XPO5: variants seen among roughly 807,000 people sequenced by gnomAD.
XPO5 encodes the protein exportin 5.
Under a neutral mutation model 160.6 loss-of-function variants are expected in XPO5, and 46 were observed. The ratio of observed to expected loss-of-function variants is 0.29; its 90% CI spans 0.23 to 0.37. The LOEUF is 0.37. Among genes scored for constraint, XPO5 ranks in the 10% least tolerant of loss-of-function variants. The probability of loss-of-function intolerance (pLI) is 1.00; values close to 1 mark genes in which losing one functional copy is unlikely to be tolerated. For synonymous variants in XPO5, 537 were observed against 519.3 expected, an observed-to-expected ratio of 1.03 and a Z score of -0.46; for missense variants, 1,090 against 1,463.9, an observed-to-expected ratio of 0.74 and a Z score of 4.17.
intron 24 of XPO5, 138 bp from the exon 25 acceptor site, chr6:43,528,343 C>T (rs1235980117): frequency 8.9e-6 from 7 of 790,144 alleles, no homozygotes; most frequent in Non-Finnish European, 1.4e-5. Flanking sequence ...GTAGACTCCA[C>T]ACCACAAGGT....
chr6:43,547,653 G>A lies in XPO5; in HGVS notation c.2115C>T (p.Ser705=), dbSNP rs1356388385. The A allele has an allele frequency of 6.2e-7, 1 of 1,614,018 alleles. No homozygotes were observed. The highest frequency in any genetic ancestry group is 1.6e-4 in the Middle Eastern group (1 of 6,062). The change falls in exon 19 of 32, where the codon AGC becomes AGT. Residue 705 remains serine (S), a synonymous_variant. Coordinates refer to ENST00000265351, the MANE Select transcript of XPO5 (RefSeq NM_020750.3). ...FIAYVGTDQK[S]CDPGLEDPCG... is the part of the protein sequence containing the mutation. Reference sequence around the variant, plus strand: ...ACGGATCCTCCAGGCCTGGGTCACAGCTCTTCTGATCTGTACCCACATACG... The same window carrying A: ...ACGGATCCTCCAGGCCTGGGTCACAACTCTTCTGATCTGTACCCACATACG...
At chr6:43,564,062 C>T (rs1582241375) in intron 8 of XPO5, among the ~76,000 whole-genome samples, 1 of 152,230 alleles carries the variant, frequency 6.6e-6, no homozygotes, top group East Asian at 1.9e-4. Flanking sequence ...GCTAAGAATA[C>T]ACACATGCAC....
At chr6:43,529,167 G>T in intron 23 of XPO5, 1 of 1,471,178 alleles carries the variant, frequency 6.8e-7, no homozygotes. Flanking sequence ...ATGGTCACTG[G>T]CCCAAAAAGT....
intron 21 of XPO5, chr6:43,533,601 C>T (rs1794136297): frequency 4.8e-6 from 1 of 207,608 alleles, no homozygotes; most frequent in South Asian, 7.8e-5. Context: ...GCTTTAAAGG[C>T]CATGGTGGGA....
chr6:43,572,993 G>C (rs1763087712), intron 2 of XPO5, among the ~76,000 whole-genome samples: 1 of 152,156 alleles, frequency 6.6e-6, no homozygotes, highest in Admixed American at 6.5e-5. Context: ...AGTCTTAAAG[G>C]CTACCTCTTC....
Position 43,526,685 on chromosome 6 carries a change from C to A in XPO5, c.2983G>T (p.Asp995Tyr). 1 of 1,613,846 alleles carries A rather than the reference C, an allele frequency of 6.2e-7. No homozygotes were observed. The highest frequency in any genetic ancestry group is 8.5e-7 in the Non-Finnish European group (1 of 1,179,836). The change falls in exon 27 of 32, where the codon GAT becomes TAT. Residue 995 changes from aspartate (D) to tyrosine (Y), a missense_variant and splice_region_variant. By Grantham distance (160) the Asp-to-Tyr change is radical (BLOSUM62 -3). Around this residue, in one of 3 missense-constraint regions of XPO5, gnomAD observed 810 missense variants for 1,139.0 expected, o/e 0.71. Coordinates refer to ENST00000265351, the MANE Select transcript of XPO5 (RefSeq NM_020750.3). ...TCCAAGGTCTCACAGGCTCACTTAC[C>A]GTCTCCATCTGCTGGGGGAGCACTA... ...HSSAPPADGDDEEMMATEVTP... is the reference protein window; with the variant it reads ...HSSAPPADGDYEEMMATEVTP...
rs2127698311 is a variant in XPO5, at chr6:43,525,157, G to A, written c.3124C>T (p.Leu1042=). The A allele has an allele frequency of 6.3e-7, 1 of 1,585,052 alleles. No individual in the cohort carries two copies. Among genetic ancestry groups the A allele is most frequent in the East Asian group, 2.3e-5 (1 of 43,710 alleles). The change falls in exon 29 of 32, where the codon CTG becomes TTG. Residue 1042 remains leucine, a synonymous_variant. Coordinates refer to ENST00000265351, the MANE Select transcript of XPO5 (RefSeq NM_020750.3). ...AFNSLAWKDT[L]SCQRTTSQLC... is the part of the protein sequence containing the mutation. Reference sequence around the variant, plus strand: ...TGTGAGGTTGTCCTCTGGCAGGACAGAGTATCTTTCCAGGCCAGGGAATTG... The same window carrying A: ...TGTGAGGTTGTCCTCTGGCAGGACAAAGTATCTTTCCAGGCCAGGGAATTG...
intron 5 of XPO5, among the ~76,000 whole-genome samples, chr6:43,570,139 C>A (rs1043778213): frequency 1.3e-5 from 2 of 149,516 alleles, no homozygotes; most frequent in African/African-American, 4.9e-5. Flanking sequence ...AGTGAAACCC[C>A]GTCTCTACTA....
At chr6:43,570,296 A>G in intron 5 of XPO5, among the ~76,000 whole-genome samples, 1 of 127,340 alleles carries the variant, frequency 7.9e-6, no homozygotes, top group Non-Finnish European at 1.6e-5. Flanking sequence ...TAGGTGACAG[A>G]GCGAGCCTCC....
In XPO5 at chr6:43,551,120, G is replaced by C. The variant is rs55776932; in HGVS notation, c.1728+178C>G. The C allele has an allele frequency of 0.062, 31,566 of 509,722 alleles. 1,291 individuals are homozygous for C. The highest frequency in any genetic ancestry group is 0.11 in the Middle Eastern group (191 of 1,814). 31.6% of individuals were successfully genotyped at this position (509,722 alleles called of 1,614,324 possible). On this transcript the variant is annotated intron_variant, in intron 15 of 31. Transcript: ENST00000265351. The stretch of plus-strand genomic sequence containing the variant: ...AAATAATTAGCCTAGGCCAGGCATG[G>C]TTGTGCATGCTTGTAGTCTCAGCTA...
At chr6:43,564,446 T>C (rs921248761) in intron 8 of XPO5, among the ~76,000 whole-genome samples, 1 of 151,992 alleles carries the variant, frequency 6.6e-6, no homozygotes, top group African/African-American at 2.4e-5. Flanking sequence ...GGAGAATCGC[T>C]TGAACCCGGG....
chr6:43,523,488 T>C lies in XPO5; in HGVS notation c.*380A>G. 2.6e-6 allele frequency: 1 copy of C among 379,722 alleles called. No homozygotes were observed. The highest frequency in any genetic ancestry group is 2.1e-5 in the South Asian group (1 of 48,150). 23.5% of individuals were successfully genotyped at this position (379,722 alleles called of 1,614,324 possible). ...GAGGGCTGTGCTCTTGCTGCGAGCC[T>C]TGCTAGTCGCAGGGTTGGGCACAGC... On this transcript the variant is annotated 3_prime_UTR_variant, in exon 32 of 32. Coordinates refer to ENST00000265351, the MANE Select transcript of XPO5 (RefSeq NM_020750.3).
chr6:43,565,383 A>G (rs1762644062), intron 8 of XPO5, among the ~76,000 whole-genome samples: 1 of 151,866 alleles, frequency 6.6e-6, no homozygotes, highest in Non-Finnish European at 1.5e-5. Context: ...AGCGGTCAGC[A>G]CGGCAAAACC....
In XPO5 at chr6:43,526,685, C is replaced by T. The variant is rs749265659; in HGVS notation, c.2983G>A (p.Asp995Asn). The T allele has an allele frequency of 7.4e-6, 12 of 1,613,730 alleles. No individual in the cohort carries two copies. Among genetic ancestry groups the T allele is most frequent in the Admixed American group, 3.3e-5 (2 of 59,988 alleles). ...TCCAAGGTCTCACAGGCTCACTTAC[C>T]GTCTCCATCTGCTGGGGGAGCACTA... ...HSSAPPADGD[D>N]EEMMATEVTP... The change falls in exon 27 of 32, where the codon GAT becomes AAT. Residue 995 changes from aspartate to asparagine, a missense_variant and splice_region_variant. By Grantham distance (23) the Asp-to-Asn change is conservative. Around this residue, in one of 3 missense-constraint regions of XPO5, gnomAD observed 810 missense variants for 1,139.0 expected, o/e 0.71. Transcript: ENST00000265351.
chr6:43,532,175 A>C (rs1794031326), intron 21 of XPO5, among the ~76,000 whole-genome samples: 1 of 152,290 alleles, frequency 6.6e-6, no homozygotes, highest in African/African-American at 2.4e-5. Context: ...TACTTTTTAT[A>C]TTAATAGCTA....
At chr6:43,531,666 G>A in intron 21 of XPO5, 91 bp from the exon 22 acceptor site, 1 of 1,063,860 alleles carries the variant, frequency 9.4e-7, no homozygotes, top group South Asian at 1.3e-5. Context: ...TTGTTCAGGG[G>A]TGAAGATGTG....
intron 18 of XPO5, 30 bp downstream of exon 18, chr6:43,548,231 G>GT (rs1561875717): frequency 6.4e-7 from 1 of 1,551,594 alleles, no homozygotes; most frequent in South Asian, 1.2e-5. Context: ...CTTGAGTATA[G>GT]TAAGAGTCAG....
Position 43,568,627 on chromosome 6 carries a change from C to A in XPO5, c.648+84G>T, listed in dbSNP as rs185844567. ...CCAAAACAATACAACACAAGCAAGG[C>A]TGAGGTCACCATCCACTAGGGGCAC... is the stretch of plus-strand genomic sequence containing the variant. On this transcript the variant is annotated intron_variant, in intron 6 of 31. Coordinates refer to ENST00000265351, the MANE Select transcript of XPO5 (RefSeq NM_020750.3). 68 of 1,227,610 alleles carry A rather than the reference C, an allele frequency of 5.5e-5. No individual in the cohort carries two copies. In the East Asian group the frequency reaches 1.7e-3, roughly 30 times the overall value. The allele number at this position is 1,227,610 out of a possible 1,614,324, so 76.0% of individuals were successfully genotyped here.
At chr6:43,558,681 A>T in intron 11 of XPO5, 90 bp from the exon 12 acceptor site, 1 of 971,106 alleles carries the variant, frequency 1.0e-6, no homozygotes, top group Non-Finnish European at 1.5e-6. Flanking sequence ...CTTTTAATTT[A>T]TTTAAGAGTT....
Sources: gnomAD v4.1 joint callset for allele counts (sites outside exome capture counted in the v4.1 genomes callset) on GRCh38, gnomAD v4.1.1 for gene constraint, gnomAD v4.1.1 regional missense constraint, MANE v1.5 for transcripts, NCBI Gene and HGNC (gene_info 2026-07-23, HGNC 2026-07-21) for gene names.